The following ARSK variants were observed in gnomAD, a reference collection of about 807,000 sequenced individuals.
ARSK encodes the protein arylsulfatase family member K, also known as arylsulfatase K.
In ARSK, 37 loss-of-function variants were observed where a neutral mutation model predicts 53.2. The ratio of observed to expected loss-of-function variants is 0.70; its 90% CI spans 0.54 to 0.92. The LOEUF is 0.92. Among genes scored for constraint, ARSK ranks in the 40% least tolerant of loss-of-function variants. ARSK has a pLI of 0.00. For missense variants in ARSK, 613 were observed against 643.0 expected (o/e 0.95, Z 0.51); for synonymous variants, 208 against 223.2 (o/e 0.93, Z 0.61).
chr5:95,575,042 A>G (rs949306537), intron 3 of ARSK, among the ~76,000 whole-genome samples: 1 of 152,132 alleles, frequency 6.6e-6, no homozygotes, highest in Non-Finnish European at 1.5e-5. Flanking sequence ...ATAGAGATCT[A>G]GTTTCATTTT....
At chr5:95,590,976 CT>C (rs1039376950) in intron 5 of ARSK, among the ~76,000 whole-genome samples, 2 of 152,198 alleles carry the variant, frequency 1.3e-5, no homozygotes, top group Admixed American at 1.3e-4. Flanking sequence ...TCTGACTGCT[CT>C]TATCACTTCC....
At chr5:95,582,545 C>T (rs536215419) in intron 3 of ARSK, among the ~76,000 whole-genome samples, 1 of 151,896 alleles carries the variant, frequency 6.6e-6, no homozygotes, top group African/African-American at 2.4e-5. Context: ...ATTATAGTAG[C>T]TTTGGTTAGG....
Position 95,555,434 on chromosome 5 carries a change from C to T in ARSK, c.126+30C>T. The T allele has an allele frequency of 6.3e-7, 1 of 1,576,822 alleles. No individual in the cohort carries two copies. Among genetic ancestry groups the T allele is most frequent in the Non-Finnish European group, 8.6e-7 (1 of 1,158,906 alleles). On this transcript the variant is annotated intron_variant, in intron 1 of 7. Transcript: ENST00000380009. This position sits in a 1 kb window ranked among gnomAD's most constrained non-coding sequence, Gnocchi z 4.0. Reference sequence around the variant, plus strand: ...GTACCGCGAGGCAGGGGAGGGGCGCCCCGCTGGGGATCGGCGACCTCACCG... The same window carrying T: ...GTACCGCGAGGCAGGGGAGGGGCGCTCCGCTGGGGATCGGCGACCTCACCG...
chr5:95,561,795 T>G (rs1403596444), intron 1 of ARSK, among the ~76,000 whole-genome samples: 1 of 152,196 alleles, frequency 6.6e-6, no homozygotes, highest in Non-Finnish European at 1.5e-5. Flanking sequence ...GATGAGAACA[T>G]TCTAAAATCG....
intron 3 of ARSK, among the ~76,000 whole-genome samples, chr5:95,582,193 C>G (rs1310942297): frequency 1.3e-5 from 2 of 152,070 alleles, no homozygotes; most frequent in South Asian, 2.1e-4. Context: ...CCCAGGACTG[C>G]TTTCTCACCA....
chr5:95,577,594 G>A (rs1237096752), intron 3 of ARSK, among the ~76,000 whole-genome samples: 1 of 152,108 alleles, frequency 6.6e-6, no homozygotes, highest in African/African-American at 2.4e-5. Flanking sequence ...CATTAAACAT[G>A]TATACTCTGT....
chr5:95,590,646 T>C lies in ARSK; in HGVS notation c.872-755T>C, dbSNP rs73147967. ...ATTACACCTCAGAATCTGTAGGTTT[T>C]TAAATTAATATACACTCTTCTACCC... is the stretch of plus-strand genomic sequence containing the variant. On this transcript the variant is annotated intron_variant, in intron 5 of 7. Transcript: ENST00000380009. 8.0e-3 allele frequency among the ~76,000 whole-genome samples: 1,216 copies of C among 152,308 alleles called. 17 individuals carry two copies. The highest frequency in any genetic ancestry group is 0.027 in the African/African-American group (1,124 of 41,562).
At chr5:95,581,893 A>T (rs1053456900) in intron 3 of ARSK, among the ~76,000 whole-genome samples, 1 of 152,088 alleles carries the variant, frequency 6.6e-6, no homozygotes, top group Non-Finnish European at 1.5e-5. Context: ...TTTTTATCAA[A>T]ATATATTGAA....
chr5:95,592,926 T>C (rs1019379208), intron 6 of ARSK, among the ~76,000 whole-genome samples: 1 of 152,216 alleles, frequency 6.6e-6, no homozygotes, highest in African/African-American at 2.4e-5. Flanking sequence ...ATGATCACAC[T>C]CAGCCATATC....
rs759768543 is a variant in ARSK, at chr5:95,603,533, A to C, written c.*7A>C. 17 of 1,579,774 alleles carry C rather than the reference A, an allele frequency of 1.1e-5. No homozygotes were observed. The highest frequency in any genetic ancestry group is 1.4e-5 in the Non-Finnish European group (16 of 1,166,502). On this transcript the variant is annotated 3_prime_UTR_variant, in exon 8 of 8. Transcript: ENST00000380009. Reference sequence around the variant, plus strand: ...GAATCCAAGAGCAGTTTGAACAAAAAGTTTAAAAATAGTGTTCTAGAGATA... The same window carrying C: ...GAATCCAAGAGCAGTTTGAACAAAACGTTTAAAAATAGTGTTCTAGAGATA...
At chr5:95,572,757 G>T (rs1416303362) in intron 3 of ARSK, among the ~76,000 whole-genome samples, 1 of 151,622 alleles carries the variant, frequency 6.6e-6, no homozygotes, top group East Asian at 1.9e-4. Context: ...CGGCCTGGGT[G>T]AAAGAGCGAG....
At chr5:95,559,282 C>T (rs898684265) in intron 1 of ARSK, among the ~76,000 whole-genome samples, 1 of 152,188 alleles carries the variant, frequency 6.6e-6, no homozygotes, top group South Asian at 2.1e-4. Flanking sequence ...TCCATATTCA[C>T]AGGTTCTGAA....
chr5:95,603,338 A>C lies in ARSK; in HGVS notation c.1423A>C (p.Lys475Gln), dbSNP rs1325581804. Residue 475 changes from lysine (K) to glutamine (Q), a missense_variant, in exon 8 of 8, where the codon AAA (lysine) becomes CAA (glutamine). Transcript: ENST00000380009. ...GCTTCATTCCATTATAAACTACCCTAAAGTTTCTGCTTCTGTCCACCAGTA... is the reference window on the plus strand; with the variant it reads ...GCTTCATTCCATTATAAACTACCCTCAAGTTTCTGCTTCTGTCCACCAGTA... ...QKLHSIINYP[K>Q]VSASVHQYNK... is the part of the protein sequence containing the mutation. 1.2e-6 allele frequency: 2 copies of C among 1,612,752 alleles called. No individual in the cohort carries two copies. Among genetic ancestry groups the C allele is most frequent in the South Asian group, 2.2e-5 (2 of 90,754 alleles).
intron 1 of ARSK, among the ~76,000 whole-genome samples, chr5:95,564,027 G>GA (rs1580215109): frequency 6.8e-6 from 1 of 147,774 alleles, no homozygotes; most frequent in East Asian, 2.0e-4. Flanking sequence ...ACTCATGCTG[G>GA]AGTGCAGTGG....
Position 95,557,405 on chromosome 5 carries a change from C to A in ARSK, c.126+2001C>A, listed in dbSNP as rs541151314. 1.8e-4 allele frequency among the ~76,000 whole-genome samples: 27 copies of A among 152,218 alleles called. 1 individual carries two copies. Among genetic ancestry groups the A allele is most frequent in the Middle Eastern group, 3.4e-3 (1 of 294 alleles). On this transcript the variant is annotated intron_variant, in intron 1 of 7. Transcript: ENST00000380009. ...TATTCTTTGATTTTTATACTTATAT[C>A]TTTTTTGTTTTATGCCAAATATTTT... is the stretch of plus-strand genomic sequence containing the variant.
rs530256538 is a variant in ARSK, at chr5:95,575,942, G to A, written c.417-6974G>A. 3.3e-5 allele frequency among the ~76,000 whole-genome samples: 5 copies of A among 152,210 alleles called. No individual in the cohort carries two copies. In the South Asian group the frequency reaches 1.0e-3, roughly 32 times the overall value. ...ATGTTCAATAACAGTGGTGACAGTGGGCATTCTTGTTGTGTTCCAGATCTT... is the reference window on the plus strand; with the variant it reads ...ATGTTCAATAACAGTGGTGACAGTGAGCATTCTTGTTGTGTTCCAGATCTT... On this transcript the variant is annotated intron_variant, in intron 3 of 7. Coordinates refer to ENST00000380009, the MANE Select transcript of ARSK (RefSeq NM_198150.3).
intron 6 of ARSK, among the ~76,000 whole-genome samples, chr5:95,595,341 C>CA (rs1275393368): frequency 6.6e-6 from 1 of 152,052 alleles, no homozygotes; most frequent in Non-Finnish European, 1.5e-5. Context: ...GGGTACATAC[C>CA]AAAAAATACA....
chr5:95,591,172 G>A (rs1361904422), intron 5 of ARSK, among the ~76,000 whole-genome samples: 3 of 152,146 alleles, frequency 2.0e-5, no homozygotes, highest in African/African-American at 4.8e-5. Flanking sequence ...GCAGCTTTGA[G>A]CAAGAGTTCC....
At position 95,591,561 on chromosome 5, in the gene ARSK, A is replaced by C. The variant is rs1315470977; in HGVS notation, c.1032A>C (p.Gly344=). ...TTCCGCTTTTGATGATGGGACCAGG[A>C]ATTAAAGCCGGCCTACAAGTATCAA... The part of the protein sequence containing the change: ...AHVPLLMMGP[G]IKAGLQVSNV... Residue 344 remains glycine, a synonymous_variant, in exon 6 of 8, where the codon GGA becomes GGC. Coordinates refer to ENST00000380009, the MANE Select transcript of ARSK (RefSeq NM_198150.3). The C allele has an allele frequency of 6.2e-7, 1 of 1,614,156 alleles. No homozygotes were observed. Among genetic ancestry groups the C allele is most frequent in the Non-Finnish European group, 8.5e-7 (1 of 1,180,022 alleles).
Sources: allele counts gnomAD v4.1 joint callset (sites outside exome capture counted in the v4.1 genomes callset), GRCh38; gene constraint gnomAD v4.1.1; non-coding constraint Gnocchi (gnomAD v3.1); transcripts MANE v1.5; gene names NCBI Gene and HGNC (gene_info 2026-07-23, HGNC 2026-07-21).